ZFPM2: variants seen among roughly 807,000 people sequenced by gnomAD.
The protein encoded by ZFPM2 is zinc finger protein ZFPM2.
ZFPM2 carries 20 observed loss-of-function variants against 98.6 expected under a neutral mutation model. The observed-to-expected ratio is 0.20, with a 90% confidence interval of 0.14 to 0.29. The LOEUF (loss-of-function observed/expected upper bound fraction) is 0.29. Ranked by LOEUF, ZFPM2 falls within the 10% of genes least tolerant of loss-of-function variation. The probability of loss-of-function intolerance (pLI) is 1.00; values close to 1 mark genes in which losing one functional copy is unlikely to be tolerated. For synonymous variants in ZFPM2, 518 were observed against 502.7 expected (o/e 1.03, Z -0.41); for missense variants, 1,310 against 1,388.6 (o/e 0.94, Z 0.90).
intron 1 of ZFPM2, among the ~76,000 whole-genome samples, chr8:105,394,463 T>G (rs529397803): frequency 1.7e-4 from 26 of 152,296 alleles, no homozygotes; most frequent in African/African-American, 6.3e-4. Context: ...ACCTGGAAAT[T>G]GAGAGTGTTT....
chr8:105,405,966 G>A (rs1399200434), intron 1 of ZFPM2, among the ~76,000 whole-genome samples: 2 of 151,954 alleles, frequency 1.3e-5, no homozygotes, highest in Admixed American at 6.6e-5. Flanking sequence ...TTTAATGATC[G>A]CCATTCTGAC....
rs1811601371 is a variant in ZFPM2 at position 105,412,703 on chromosome 8, G to A, written c.41-6441G>A. Among the ~76,000 whole-genome samples the A allele has an allele frequency of 2.0e-5, 3 of 151,500 alleles. No individual in the cohort carries two copies. The South Asian group carries it at 6.2e-4, about 31-fold the overall frequency. On this transcript the variant is annotated intron_variant, in intron 1 of 7. Coordinates refer to ENST00000407775, the MANE Select transcript of ZFPM2 (RefSeq NM_012082.4). ...TTTTTTTTTTAGACTACAGAAATAA[G>A]ATTTTATTCTTGCTGTTAAGCTCAA...
chr8:105,370,985 C>T lies in ZFPM2; in HGVS notation c.41-48159C>T, dbSNP rs111999923. 3.7e-4 allele frequency among the ~76,000 whole-genome samples: 56 copies of T among 152,252 alleles called. 1 individual carries two copies. The highest frequency in any genetic ancestry group is 1.3e-3 in the African/African-American group (56 of 41,558). On this transcript the variant is annotated intron_variant, in intron 1 of 7. Coordinates refer to ENST00000407775, the MANE Select transcript of ZFPM2 (RefSeq NM_012082.4). ...AGATGCTGTAATTCGTTGCTAGACG[C>T]ATCTTTAAAATATTGGGTGCTACTG...
chr8:105,648,877 A>C (rs1817110021), intron 5 of ZFPM2, among the ~76,000 whole-genome samples: 1 of 152,164 alleles, frequency 6.6e-6, no homozygotes, highest in Non-Finnish European at 1.5e-5. Flanking sequence ...TTTTGGTTCC[A>C]TATGAACTTT....
intron 1 of ZFPM2, among the ~76,000 whole-genome samples, chr8:105,360,624 T>A (rs1432357576): frequency 1.1e-5 from 1 of 89,064 alleles, no homozygotes; most frequent in Non-Finnish European, 2.1e-5. Flanking sequence ...CCCTCCCCCC[T>A]CCCCCGACCC....
rs191134561 is a variant in ZFPM2 at position 105,363,042 on chromosome 8, G to A, written c.40+44061G>A. ...TGGTTAACTTGGTTACTTTTTAAAG[G>A]GATTCATGAAAGTGATCAAGAATGA... On this transcript the variant is annotated intron_variant, in intron 1 of 7. Transcript: ENST00000407775. Among the ~76,000 whole-genome samples, 21 of 152,196 alleles carry A rather than the reference G, an allele frequency of 1.4e-4. No homozygotes were observed. In the East Asian group the frequency reaches 3.9e-3, roughly 28 times the overall value.
intron 5 of ZFPM2, among the ~76,000 whole-genome samples, chr8:105,727,605 C>G (rs1007842616): frequency 6.6e-6 from 1 of 151,668 alleles, no homozygotes; most frequent in Non-Finnish European, 1.5e-5. Context: ...ATTTAATGAA[C>G]AGATGGATAT....
chr8:105,750,013 G>A (rs1812439675), intron 5 of ZFPM2, among the ~76,000 whole-genome samples: 2 of 151,908 alleles, frequency 1.3e-5, no homozygotes, highest in South Asian at 2.1e-4. Context: ...AACAAAGAAC[G>A]AAAAAATTGT....
At chr8:105,617,019 CGAAAAAAAAAAAAAAAAAAAAAA>C (rs1816430949) in intron 4 of ZFPM2, among the ~76,000 whole-genome samples, 1 of 15,774 alleles carries the variant, frequency 6.3e-5, no homozygotes, top group Non-Finnish European at 1.1e-4. Context: ...GACTCTGTCT[CGAAAAAAAAAAAAAAAAAAAAAA>C]AAAAAAAAAA....
At chr8:105,643,043 G>T (rs976962313) in intron 5 of ZFPM2, among the ~76,000 whole-genome samples, 1 of 152,114 alleles carries the variant, frequency 6.6e-6, no homozygotes, top group Non-Finnish European at 1.5e-5. Context: ...TTGAATGCTC[G>T]TTCTGAAAAC....
intron 1 of ZFPM2, among the ~76,000 whole-genome samples, chr8:105,407,880 C>T (rs977012812): frequency 2.6e-5 from 4 of 151,878 alleles, no homozygotes; most frequent in Non-Finnish European, 4.4e-5. Context: ...CATATGATGC[C>T]ATATAGACAC....
intron 5 of ZFPM2, among the ~76,000 whole-genome samples, chr8:105,759,774 C>A (rs1317806132): frequency 6.6e-6 from 1 of 151,808 alleles, no homozygotes; most frequent in Non-Finnish European, 1.5e-5. Context: ...TTCACCATGA[C>A]CCTCTCTACC....
chr8:105,531,659 T>G (rs1814300757), intron 3 of ZFPM2, among the ~76,000 whole-genome samples: 1 of 152,206 alleles, frequency 6.6e-6, no homozygotes, highest in African/African-American at 2.4e-5. Context: ...ATAGTACCTC[T>G]GAAAGAGAAA....
At chr8:105,553,001 G>A (rs1814899714) in intron 3 of ZFPM2, among the ~76,000 whole-genome samples, 1 of 151,554 alleles carries the variant, frequency 6.6e-6, no homozygotes, top group African/African-American at 2.4e-5. Context: ...TGTAAAGACA[G>A]GGTTTTGCCA....
chr8:105,451,255 T>C (rs1812478798), intron 3 of ZFPM2, among the ~76,000 whole-genome samples: 1 of 152,144 alleles, frequency 6.6e-6, no homozygotes, highest in African/African-American at 2.4e-5. Context: ...AGTGACCTTT[T>C]CATGAGACAC....
chr8:105,369,263 T>C (rs1340832654), intron 1 of ZFPM2, among the ~76,000 whole-genome samples: 1 of 152,196 alleles, frequency 6.6e-6, no homozygotes. Flanking sequence ...ACAATTATCC[T>C]GACGTGAATT....
chr8:105,591,548 G>A (rs1815843660), intron 4 of ZFPM2, among the ~76,000 whole-genome samples: 2 of 152,068 alleles, frequency 1.3e-5, no homozygotes, highest in South Asian at 2.1e-4. Context: ...AAATCAAATC[G>A]ATGCTAAAAT....
At chr8:105,439,966 A>C (rs144230156) in intron 2 of ZFPM2, among the ~76,000 whole-genome samples, 6 of 152,286 alleles carry the variant, frequency 3.9e-5, no homozygotes, top group Admixed American at 3.9e-4. Context: ...GGAAAGGTCA[A>C]CGTTTCCCCA....
At chr8:105,694,242 T>C (rs1810963872) in intron 5 of ZFPM2, among the ~76,000 whole-genome samples, 1 of 152,088 alleles carries the variant, frequency 6.6e-6, no homozygotes, top group African/African-American at 2.4e-5. Context: ...CCCCGCGGCC[T>C]CCCAAAGTGC....
Sources: gnomAD v4.1 joint callset for allele counts (sites outside exome capture counted in the v4.1 genomes callset) on GRCh38, gnomAD v4.1.1 for gene constraint, MANE v1.5 for transcripts, NCBI Gene and HGNC (gene_info 2026-07-23, HGNC 2026-07-21) for gene names.